SEM1: variants seen among roughly 807,000 people sequenced by gnomAD.
SEM1 encodes 26S proteasome complex subunit SEM1.
A neutral mutation model predicts 12.7 loss-of-function variants in SEM1; 3 were observed. The observed-to-expected ratio is 0.24, with a 90% CI of 0.11 to 0.61. SEM1 has a LOEUF of 0.61. Among genes scored for constraint, SEM1 ranks in the 20% least tolerant of loss-of-function variants. The pLI, the probability that SEM1 is intolerant of heterozygous loss-of-function variation, is 0.88. For missense variants in SEM1, 59 were observed against 81.3 expected (o/e 0.73, Z 1.06); for synonymous variants, 30 against 27.8 (o/e 1.08, Z -0.25).
chr7:96,634,351 A>G (rs969279853), intron 2 of SEM1, among the ~76,000 whole-genome samples: 1 of 152,094 alleles, frequency 6.6e-6, no homozygotes, highest in African/African-American at 2.4e-5. Flanking sequence ...ATGAAAGAAT[A>G]GGTAGATCAT....
chr7:96,512,529 C>T (rs1309105879), intron 2 of SEM1, among the ~76,000 whole-genome samples: 1 of 151,964 alleles, frequency 6.6e-6, no homozygotes, highest in Non-Finnish European at 1.5e-5. Flanking sequence ...TCTGGCTGTC[C>T]AAGTTTAATT....
downstream of SEM1, among the ~76,000 whole-genome samples, chr7:96,669,499 G>A (rs1014429068): frequency 6.6e-6 from 1 of 152,080 alleles, no homozygotes; most frequent in African/African-American, 2.4e-5. Context: ...CAATATACAC[G>A]TGATTATTAG....
intron 2 of SEM1, among the ~76,000 whole-genome samples, chr7:96,526,003 T>G (rs1804452894): frequency 1.3e-5 from 2 of 152,092 alleles, no homozygotes; most frequent in East Asian, 3.9e-4. Flanking sequence ...TCTAGTATAT[T>G]CACAGGGTTG....
chr7:96,670,877 T>C (rs559160147), downstream of SEM1, among the ~76,000 whole-genome samples: 6 of 152,286 alleles, frequency 3.9e-5, no homozygotes, highest in Admixed American at 2.6e-4. Context: ...TACTTTCTAA[T>C]AAATGTCAAT....
intron 2 of SEM1, among the ~76,000 whole-genome samples, chr7:96,515,351 A>G (rs1481166001): frequency 6.6e-6 from 1 of 152,152 alleles, no homozygotes; most frequent in Non-Finnish European, 1.5e-5. Context: ...AATTAGAATG[A>G]TGATCATTAA....
chr7:96,557,527 T>C lies in SEM1; in HGVS notation c.171-50829A>G, dbSNP rs540092836. ...CGGGGGTCAGGGGTCAGGGACCCAC[T>C]TGAGGAGGCAGTCTGCCCGTTCTCG... is the stretch of plus-strand genomic sequence containing the variant. On this transcript the variant is annotated intron_variant and NMD_transcript_variant, in intron 2 of 3. Coordinates refer to the SEM1 transcript ENST00000466986. Among the ~76,000 whole-genome samples the C allele has an allele frequency of 6.6e-3, 590 of 89,494 alleles. 113 individuals are homozygous for C. Among genetic ancestry groups the C allele is most frequent in the Middle Eastern group, 0.021 (4 of 190 alleles). 58.7% of individuals were successfully genotyped at this position (89,494 alleles called of 152,430 possible).
intron 2 of SEM1, among the ~76,000 whole-genome samples, chr7:96,575,002 C>A (rs949089989): frequency 6.6e-6 from 1 of 152,124 alleles, no homozygotes; most frequent in South Asian, 2.1e-4. Context: ...GTTTTGTTCC[C>A]TTGCTGGCGA....
At chr7:96,632,863 T>C (rs1316674655) in intron 2 of SEM1, among the ~76,000 whole-genome samples, 1 of 151,742 alleles carries the variant, frequency 6.6e-6, no homozygotes, top group East Asian at 1.9e-4. Flanking sequence ...GAGACTTCTA[T>C]TCTGCCTTCT....
At chr7:96,704,713 T>G (rs1162247725) in intron 1 of SEM1, among the ~76,000 whole-genome samples, 3 of 152,174 alleles carry the variant, frequency 2.0e-5, no homozygotes, top group Non-Finnish European at 4.4e-5. Context: ...TCCACTATAT[T>G]ACATTTAATA....
chr7:96,498,625 T>C (rs568214678), upstream of SEM1, among the ~76,000 whole-genome samples: 19 of 152,330 alleles, frequency 1.2e-4, no homozygotes, highest in East Asian at 3.1e-3. Context: ...CTGCAACTGA[T>C]ACTTCAAGTG....
At chr7:96,613,384 A>G (rs967049272) in intron 2 of SEM1, among the ~76,000 whole-genome samples, 2 of 152,146 alleles carry the variant, frequency 1.3e-5, no homozygotes, top group African/African-American at 4.8e-5. Flanking sequence ...CATTTATTTT[A>G]TATGTATTTG....
intron 2 of SEM1, among the ~76,000 whole-genome samples, chr7:96,662,044 A>T (rs1789020898): frequency 6.6e-6 from 1 of 151,246 alleles, no homozygotes; most frequent in African/African-American, 2.4e-5. Context: ...AAGGCTGTGG[A>T]GCAATCACAA....
At chr7:96,546,377 A>G (rs923887088) in intron 2 of SEM1, among the ~76,000 whole-genome samples, 1 of 152,082 alleles carries the variant, frequency 6.6e-6, no homozygotes, top group Non-Finnish European at 1.5e-5. Context: ...CAATTGTCAC[A>G]TACCTTCTTT....
At chr7:96,497,004 CGT>C (rs1563029866), upstream of SEM1, among the ~76,000 whole-genome samples, 2 of 131,420 alleles carry the variant, frequency 1.5e-5, no homozygotes, top group Non-Finnish European at 3.1e-5. Flanking sequence ...CGCACGAGCA[CGT>C]ATACACACAC....
chr7:96,636,871 G>C (rs781065775), intron 2 of SEM1, among the ~76,000 whole-genome samples: 1 of 152,132 alleles, frequency 6.6e-6, no homozygotes. Flanking sequence ...GTTACTCATG[G>C]TAAAGTCCAC....
intron 1 of SEM1, among the ~76,000 whole-genome samples, chr7:96,701,547 C>CTATG (rs1223752609): frequency 6.6e-6 from 1 of 152,014 alleles, no homozygotes; most frequent in African/African-American, 2.4e-5. Context: ...GCCACCCAGT[C>CTATG]TATGCTATTT....
chr7:96,613,536 T>C (rs1807608478), intron 2 of SEM1, among the ~76,000 whole-genome samples: 1 of 152,210 alleles, frequency 6.6e-6, no homozygotes, highest in Non-Finnish European at 1.5e-5. Context: ...TTATCATTTC[T>C]TTGTGGTAAT....
intron 1 of SEM1, chr7:96,706,195 G>A (rs1261485737): frequency 1.3e-5 from 2 of 152,064 alleles, no homozygotes; most frequent in Non-Finnish European, 2.9e-5. Flanking sequence ...CTATAGAATG[G>A]GGGAAAAAAT....
At chr7:96,683,582 G>GT (rs1789679199) in intron 2 of SEM1, among the ~76,000 whole-genome samples, 1 of 152,134 alleles carries the variant, frequency 6.6e-6, no homozygotes, top group South Asian at 2.1e-4. Flanking sequence ...ACATGCACAC[G>GT]TATGTTTATT....
Sources: allele counts gnomAD v4.1 joint callset (sites outside exome capture counted in the v4.1 genomes callset), GRCh38; gene constraint gnomAD v4.1.1; transcripts MANE v1.5; gene names NCBI Gene and HGNC (gene_info 2026-07-23, HGNC 2026-07-21).